The following TANC1 variants were observed in gnomAD, a reference collection of about 807,000 sequenced individuals.
TANC1 encodes the protein protein TANC1.
TANC1 carries 77 observed loss-of-function variants against 149.7 expected under a neutral mutation model. The ratio of observed to expected loss-of-function variants is 0.51; its 90% CI spans 0.43 to 0.62. The LOEUF (loss-of-function observed/expected upper bound fraction) is 0.62, where lower values mean the gene tolerates loss of function less well. Ranked by LOEUF, TANC1 falls within the 20% of genes least tolerant of loss-of-function variation. The pLI, the probability that TANC1 is intolerant of heterozygous loss-of-function variation, is 0.00. For missense variants in TANC1, 1,985 were observed against 2,321.8 expected (o/e 0.85, Z 2.98); for synonymous variants, 854 against 925.0 (o/e 0.92, Z 1.39).
chr2:159,016,507 A>G (rs2038278658), intron 2 of TANC1, among the ~76,000 whole-genome samples: 1 of 152,092 alleles, frequency 6.6e-6, no homozygotes. Context: ...TCTGTCTCCT[A>G]ATTCAGTACC....
At chr2:159,094,682 A>G (rs944045537) in intron 3 of TANC1, among the ~76,000 whole-genome samples, 4 of 151,404 alleles carry the variant, frequency 2.6e-5, no homozygotes, top group African/African-American at 4.9e-5. Flanking sequence ...GCACAGTGCT[A>G]TAAGACTGGC....
chr2:159,136,150 G>C (rs1286304421), intron 4 of TANC1, 44 bp from the exon 5 acceptor site: 1 of 1,169,920 alleles, frequency 8.5e-7, no homozygotes, highest in African/African-American at 1.5e-5. Context: ...GGCTTTGTTT[G>C]CATCTGGAAA....
Position 159,187,561 on chromosome 2 carries a change from C to G in TANC1, c.2742+537C>G, listed in dbSNP as rs755411364. On this transcript the variant is annotated intron_variant, in intron 16 of 26. Coordinates refer to ENST00000263635, the MANE Select transcript of TANC1 (RefSeq NM_033394.3). ...GTGGCTTTCATGTCATGATGTTCCACTCAGCTTTTTAAGGTAGATTTTTCT... is the reference window on the plus strand; with the variant it reads ...GTGGCTTTCATGTCATGATGTTCCAGTCAGCTTTTTAAGGTAGATTTTTCT... Among the ~76,000 whole-genome samples, 4 of 152,184 alleles carry G rather than the reference C, an allele frequency of 2.6e-5. No homozygotes were observed. In the East Asian group the frequency reaches 5.8e-4, roughly 22 times the overall value.
At chr2:158,985,210 G>T (rs1403287) in intron 1 of TANC1, among the ~76,000 whole-genome samples, 32,159 of 152,050 alleles carry the variant, frequency 0.21, 3,753 homozygotes, top group South Asian at 0.43. Context: ...AGGTGCATTA[G>T]CTCATGTAAT....
chr2:159,136,890 G>A (rs1284517342), intron 5 of TANC1, among the ~76,000 whole-genome samples: 1 of 150,248 alleles, frequency 6.7e-6, no homozygotes, highest in Non-Finnish European at 1.5e-5. Context: ...TTACAAATTT[G>A]CAGCATTTAA....
chr2:159,136,471 A>G (rs2050759281), intron 5 of TANC1, among the ~76,000 whole-genome samples, 173 bp downstream of exon 5: 1 of 152,244 alleles, frequency 6.6e-6, no homozygotes, highest in Non-Finnish European at 1.5e-5. Context: ...AAATTCTTGG[A>G]AATTGTATAC....
chr2:159,220,174 A>T (rs891942575), intron 22 of TANC1, among the ~76,000 whole-genome samples: 1 of 152,190 alleles, frequency 6.6e-6, no homozygotes, highest in East Asian at 1.9e-4. Context: ...ACATGTGCAT[A>T]TGTGATTTTC....
chr2:158,998,710 C>A (rs1245445319), intron 1 of TANC1, among the ~76,000 whole-genome samples: 3 of 152,130 alleles, frequency 2.0e-5, no homozygotes, highest in Non-Finnish European at 4.4e-5. Flanking sequence ...TGTTTCCTGG[C>A]ACAAGGGCGG....
Position 159,163,326 on chromosome 2 carries a change from C to T in TANC1, c.726C>T (p.Ser242=). The T allele has an allele frequency of 6.2e-7, 1 of 1,614,156 alleles. No individual in the cohort carries two copies. Among genetic ancestry groups the T allele is most frequent in the Non-Finnish European group, 8.5e-7 (1 of 1,180,018 alleles). ...SSSENDDRSG[S]SLEWNKDGNL... is the part of the protein sequence containing the mutation. ...CCGAAAATGATGACCGGAGTGGCTC[C>T]AGTTTGGAATGGAATAAAGATGGAA... Residue 242 remains serine, a synonymous_variant, in exon 8 of 27, where the codon TCC becomes TCT. Transcript: ENST00000263635.
chr2:159,197,417 T>C (rs936951217), intron 18 of TANC1, among the ~76,000 whole-genome samples: 2 of 152,240 alleles, frequency 1.3e-5, no homozygotes, highest in African/African-American at 4.8e-5. Context: ...CTTCCTCCTG[T>C]GTATTTCTTA....
chr2:159,189,597 C>T (rs866647744), intron 16 of TANC1, among the ~76,000 whole-genome samples: 5 of 152,260 alleles, frequency 3.3e-5, no homozygotes, highest in Middle Eastern at 3.4e-3. Context: ...TTTACAACCA[C>T]CAAGTGAAGT....
chr2:159,224,453 G>T, intron 23 of TANC1, 89 bp downstream of exon 23: 1 of 1,470,752 alleles, frequency 6.8e-7, no homozygotes, highest in African/African-American at 1.4e-5. Context: ...CCTGCTCCCA[G>T]GTTAGGAAGT....
intron 18 of TANC1, among the ~76,000 whole-genome samples, chr2:159,197,642 TAAAC>T (rs908901831): frequency 4.5e-4 from 69 of 152,140 alleles, no homozygotes; most frequent in African/African-American, 1.5e-3. Context: ...GAGATACTGT[TAAAC>T]ACACATATGA....
Position 159,230,851 on chromosome 2 carries a change from C to T in TANC1, c.5425C>T (p.Gln1809Ter), listed in dbSNP as rs1352244661. 6.2e-7 allele frequency: 1 copy of T among 1,614,190 alleles called. No individual in the cohort carries two copies. The highest frequency in any genetic ancestry group is 1.1e-5 in the South Asian group (1 of 91,066). Reference sequence around the variant, plus strand: ...GAAGGAGCTAGAAGAAAGCAAGTGCCAAATTCCAGTCCACTCTCAAGAGAA... The same window carrying T: ...GAAGGAGCTAGAAGAAAGCAAGTGCTAAATTCCAGTCCACTCTCAAGAGAA... ...QVKELEESKCQIPVHSQENRI... is the reference protein window; with the variant it reads ...QVKELEESKC The change falls in exon 27 of 27, where the codon CAA becomes TAA. Residue 1809 changes from glutamine (Q) to a stop codon, truncating the protein, a stop_gained. Transcript: ENST00000263635. LOFTEE classifies it high-confidence loss of function. This position sits in a 1 kb window ranked among gnomAD's most constrained non-coding sequence, Gnocchi z 4.4.
At chr2:159,176,658 G>A in intron 13 of TANC1, 140 bp downstream of exon 13, 1 of 688,520 alleles carries the variant, frequency 1.5e-6, no homozygotes, top group South Asian at 1.9e-5. Flanking sequence ...CTAGTCCAGA[G>A]AGCCAGACTT....
chr2:159,148,327 T>G (rs371092738), intron 5 of TANC1: 3 of 152,342 alleles, frequency 2.0e-5, no homozygotes, highest in African/African-American at 7.2e-5. Context: ...TTGGGCTTTT[T>G]GGGTACAGGG....
intron 1 of TANC1, among the ~76,000 whole-genome samples, chr2:158,993,883 C>T (rs1053875741): frequency 6.6e-6 from 1 of 152,176 alleles, no homozygotes; most frequent in African/African-American, 2.4e-5. Flanking sequence ...CATTTGAATG[C>T]CTTCTGTATG....
At chr2:159,120,338 G>A (rs2048719757) in intron 4 of TANC1, among the ~76,000 whole-genome samples, 1 of 152,074 alleles carries the variant, frequency 6.6e-6, no homozygotes, top group Non-Finnish European at 1.5e-5. Flanking sequence ...TGGTGGACTT[G>A]GACTTGAGGG....
At chr2:159,163,867 A>G (rs2054302882) in intron 8 of TANC1, among the ~76,000 whole-genome samples, 1 of 151,978 alleles carries the variant, frequency 6.6e-6, no homozygotes, top group South Asian at 2.1e-4. Context: ...ACTGTTTATT[A>G]CCTCCTGGTA....
Sources: allele counts gnomAD v4.1 joint callset (sites outside exome capture counted in the v4.1 genomes callset), GRCh38; gene constraint gnomAD v4.1.1; non-coding constraint Gnocchi (gnomAD v3.1); transcripts MANE v1.5; gene names NCBI Gene and HGNC (gene_info 2026-07-23, HGNC 2026-07-21).